Variants in PCGF5 observed in about 807,000 individuals in gnomAD.
PCGF5 encodes the protein polycomb group ring finger 5, also known as polycomb group RING finger protein 5.
A neutral mutation model predicts 44.3 loss-of-function variants in PCGF5; 9 were observed. The observed-to-expected ratio is 0.20, with a 90% CI of 0.12 to 0.35. PCGF5 has a LOEUF of 0.35. PCGF5 is among the 10% of genes least tolerant of loss of function. PCGF5 has a pLI of 1.00. For missense variants in PCGF5, 146 were observed against 305.3 expected (o/e 0.48, Z 3.89); for synonymous variants, 95 against 102.5 (o/e 0.93, Z 0.44).
In PCGF5 at chr10:91,280,299, A is replaced by G. The variant is rs1846421924; in HGVS notation, c.*1983A>G. The G allele has an allele frequency of 1.3e-5, 2 of 152,214 alleles. No homozygotes were observed. Among genetic ancestry groups the G allele is most frequent in the South Asian group, 4.1e-4 (2 of 4,826 alleles). 9.4% of individuals were successfully genotyped at this position (152,214 alleles called of 1,614,324 possible). On this transcript the variant is annotated 3_prime_UTR_variant, in exon 10 of 10. Coordinates refer to ENST00000336126, the MANE Select transcript of PCGF5 (RefSeq NM_032373.5). ...ATTTTAATTAACTCAAAATGAATTAAGAGTGCATTTTAAAAATCACAAGTG... is the reference window on the plus strand; with the variant it reads ...ATTTTAATTAACTCAAAATGAATTAGGAGTGCATTTTAAAAATCACAAGTG...
chr10:91,218,639 A>T (rs1484672994), upstream of PCGF5, among the ~76,000 whole-genome samples: 1 of 151,480 alleles, frequency 6.6e-6, no homozygotes, highest in East Asian at 1.9e-4. Context: ...TTCTTATTTT[A>T]TTATTATTAT....
chr10:91,177,866 T>TC (rs1224110767), intron 1 of PCGF5, among the ~76,000 whole-genome samples: 1 of 152,246 alleles, frequency 6.6e-6, no homozygotes, highest in Non-Finnish European at 1.5e-5. Context: ...GGTGAGGCGA[T>TC]GCCTCTCCCT....
At chr10:91,197,736 T>C (rs888993822) in intron 1 of PCGF5, among the ~76,000 whole-genome samples, 1 of 152,218 alleles carries the variant, frequency 6.6e-6, no homozygotes, top group Non-Finnish European at 1.5e-5. Context: ...CATATTCCCC[T>C]TTTTCCTTCC....
upstream of PCGF5, among the ~76,000 whole-genome samples, chr10:91,215,299 T>C (rs1327840404): frequency 6.6e-6 from 1 of 152,244 alleles, no homozygotes; most frequent in East Asian, 1.9e-4. Flanking sequence ...CCTCGTCTTT[T>C]ATAATTCAGT....
intron 1 of PCGF5, among the ~76,000 whole-genome samples, chr10:91,164,465 G>A (rs1260463755): frequency 6.6e-6 from 1 of 152,234 alleles, no homozygotes; most frequent in Admixed American, 6.5e-5. Flanking sequence ...AGTATTTGGT[G>A]TCAAGTGAGG....
chr10:91,167,644 G>A (rs1228992421), intron 1 of PCGF5, among the ~76,000 whole-genome samples: 1 of 152,176 alleles, frequency 6.6e-6, no homozygotes, highest in Non-Finnish European at 1.5e-5. Flanking sequence ...TGCATGGGGA[G>A]GGGAAATTAG....
intron 1 of PCGF5, among the ~76,000 whole-genome samples, chr10:91,192,543 T>G (rs1458130646): frequency 6.6e-6 from 1 of 152,190 alleles, no homozygotes; most frequent in Non-Finnish European, 1.5e-5. Context: ...AATAACCCCA[T>G]GGAAAGATAA....
chr10:91,255,312 C>G (rs1219444979), intron 6 of PCGF5, among the ~76,000 whole-genome samples: 1 of 152,070 alleles, frequency 6.6e-6, no homozygotes, highest in African/African-American at 2.4e-5. Flanking sequence ...AGTGAGATGT[C>G]CCTAGGAGCT....
At chr10:91,222,479 T>C (rs554897650) in intron 1 of PCGF5, among the ~76,000 whole-genome samples, 86 of 152,130 alleles carry the variant, frequency 5.7e-4, no homozygotes, top group African/African-American at 2.0e-3. Context: ...AGTATAGAGG[T>C]GGTAGTTGAG....
intron 1 of PCGF5, among the ~76,000 whole-genome samples, chr10:91,172,308 A>G (rs1843623080): frequency 6.6e-6 from 1 of 152,204 alleles, no homozygotes; most frequent in South Asian, 2.1e-4. Context: ...AATCTCAGCT[A>G]CACCGGAGGG....
intron 9 of PCGF5, among the ~76,000 whole-genome samples, chr10:91,277,374 A>T (rs1014324829): frequency 1.3e-5 from 2 of 152,244 alleles, no homozygotes; most frequent in Non-Finnish European, 2.9e-5. Flanking sequence ...CCCCTTCTTG[A>T]TTCCATAAAA....
chr10:91,161,094 A>T (rs1447230051), upstream of PCGF5, among the ~76,000 whole-genome samples: 1 of 152,210 alleles, frequency 6.6e-6, no homozygotes, highest in East Asian at 1.9e-4. Flanking sequence ...TGTCTGCCGC[A>T]GTAGTTGCAC....
intron 1 of PCGF5, among the ~76,000 whole-genome samples, chr10:91,207,854 C>T (rs982672364): frequency 6.6e-6 from 1 of 152,114 alleles, no homozygotes; most frequent in African/African-American, 2.4e-5. Context: ...ATAATGTATC[C>T]TCCTAAGAGC....
At chr10:91,257,283 C>A (rs1845779336) in intron 6 of PCGF5, among the ~76,000 whole-genome samples, 1 of 151,986 alleles carries the variant, frequency 6.6e-6, no homozygotes, top group African/African-American at 2.4e-5. Flanking sequence ...CTAGGATGGC[C>A]AGAAATTTTT....
chr10:91,251,050 A>C (rs1373688385), intron 5 of PCGF5, among the ~76,000 whole-genome samples: 3 of 150,750 alleles, frequency 2.0e-5, no homozygotes, highest in Non-Finnish European at 4.4e-5. Flanking sequence ...TTTCATTTGG[A>C]TGTCCCAATG....
intron 1 of PCGF5, among the ~76,000 whole-genome samples, chr10:91,210,976 A>G (rs1045666166): frequency 6.6e-6 from 1 of 152,226 alleles, no homozygotes; most frequent in African/African-American, 2.4e-5. Context: ...GGACTATAGT[A>G]GCATCCTTTA....
intron 1 of PCGF5, among the ~76,000 whole-genome samples, chr10:91,163,498 G>A (rs1056814896): frequency 2.0e-5 from 3 of 151,974 alleles, no homozygotes; most frequent in African/African-American, 7.2e-5. Flanking sequence ...GCTTCCTGAT[G>A]GGGACCGGCA....
chr10:91,274,136 T>C (rs115106970), intron 9 of PCGF5, among the ~76,000 whole-genome samples: 1,912 of 152,174 alleles, frequency 0.013, 48 homozygotes, highest in African/African-American at 0.042. Flanking sequence ...TATGTAATAG[T>C]ACATTACATT....
chr10:91,231,767 A>G (rs1005796647), intron 2 of PCGF5, among the ~76,000 whole-genome samples: 16 of 152,360 alleles, frequency 1.1e-4, no homozygotes, highest in Admixed American at 5.2e-4. Context: ...TCAGACTACT[A>G]TGTCGAAAGC....
Sources: allele counts gnomAD v4.1 joint callset (sites outside exome capture counted in the v4.1 genomes callset), GRCh38; gene constraint gnomAD v4.1.1; transcripts MANE v1.5; gene names NCBI Gene and HGNC (gene_info 2026-07-23, HGNC 2026-07-21).